The following NLRP14 variants were observed in gnomAD, a reference collection of about 807,000 sequenced individuals.
NLRP14 encodes the protein NACHT, LRR and PYD domains-containing protein 14.
NLRP14 carries 105 observed loss-of-function variants against 94.7 expected under a neutral mutation model. The ratio of observed to expected loss-of-function variants is 1.11; its 90% CI spans 0.95 to 1.30. The LOEUF is 1.30. NLRP14 is among the 50% of genes most tolerant of loss of function. The pLI, the probability that NLRP14 is intolerant of heterozygous loss-of-function variation, is 0.00. For synonymous variants in NLRP14, 508 were observed against 459.9 expected (o/e 1.10, Z -1.34); for missense variants, 1,362 against 1,254.1 (o/e 1.09, Z -1.30).
chr11:7,075,817 C>G (rs1852868558), downstream of NLRP14, among the ~76,000 whole-genome samples: 2 of 152,174 alleles, frequency 1.3e-5, no homozygotes, highest in Admixed American at 1.3e-4. Flanking sequence ...TGATGGCACC[C>G]AGAAGTTTGA....
intron 6 of NLRP14, among the ~76,000 whole-genome samples, chr11:7,050,810 GT>G (rs1852432251): frequency 6.6e-6 from 1 of 152,210 alleles, no homozygotes; most frequent in Non-Finnish European, 1.5e-5. Context: ...CCAGGTCAGA[GT>G]AAAGGTTTTA....
At chr11:7,067,208 A>G (rs1423936553) in intron 10 of NLRP14, among the ~76,000 whole-genome samples, 1 of 152,044 alleles carries the variant, frequency 6.6e-6, no homozygotes, top group Non-Finnish European at 1.5e-5. Flanking sequence ...TCCACATGAA[A>G]TTTAAAGTAG....
chr11:7,058,767 T>A (rs987706255), intron 8 of NLRP14, among the ~76,000 whole-genome samples: 2 of 151,846 alleles, frequency 1.3e-5, no homozygotes, highest in African/African-American at 4.8e-5. Context: ...CACAAGAAAA[T>A]GATGAATTTA....
chr11:7,056,578 A>G (rs536553127), intron 6 of NLRP14, among the ~76,000 whole-genome samples: 7 of 151,604 alleles, frequency 4.6e-5, no homozygotes, highest in African/African-American at 1.4e-4. Flanking sequence ...GAGAAAATGA[A>G]CTATCAAGCA....
intron 1 of NLRP14, among the ~76,000 whole-genome samples, chr11:7,028,060 C>T (rs1232884169): frequency 6.6e-6 from 1 of 152,070 alleles, no homozygotes; most frequent in Non-Finnish European, 1.5e-5. Context: ...TTCTCACTCC[C>T]GGAATGATCT....
intron 6 of NLRP14, among the ~76,000 whole-genome samples, chr11:7,056,253 G>A (rs1271163781): frequency 6.6e-6 from 1 of 151,742 alleles, no homozygotes; most frequent in East Asian, 1.9e-4. Flanking sequence ...CACAAAGCAA[G>A]ACAATTGATA....
chr11:7,078,061 A>G, the NLRP14 span, among the ~76,000 whole-genome samples: 2 of 152,316 alleles, frequency 1.3e-5, no homozygotes, highest in East Asian at 3.9e-4. Context: ...CTACTGGAAT[A>G]TACACCTAAA....
chr11:7,049,779 T>C lies in NLRP14; in HGVS notation c.2232T>C (p.Asn744=). Reference sequence around the variant, plus strand: ...TAAAAGGGAGTGATATAGGGGATAATGGAGTAAAGTCATTGTGTGAGGCCT... The same window carrying C: ...TAAAAGGGAGTGATATAGGGGATAACGGAGTAAAGTCATTGTGTGAGGCCT... ...LDLKGSDIGD[N]GVKSLCEALK... Residue 744 remains asparagine, a synonymous_variant, in exon 6 of 12, where the codon AAT becomes AAC. Coordinates refer to ENST00000299481, the MANE Select transcript of NLRP14 (RefSeq NM_176822.4). 1 of 1,611,232 alleles carries C rather than the reference T, an allele frequency of 6.2e-7. No individual in the cohort carries two copies. Among genetic ancestry groups the C allele is most frequent in the Non-Finnish European group, 8.5e-7 (1 of 1,177,400 alleles).
At chr11:7,053,760 G>T (rs1852477596) in intron 6 of NLRP14, among the ~76,000 whole-genome samples, 1 of 151,704 alleles carries the variant, frequency 6.6e-6, no homozygotes, top group Non-Finnish European at 1.5e-5. Context: ...AGGTAAATGG[G>T]GTATCTATCA....
intron 1 of NLRP14, among the ~76,000 whole-genome samples, chr11:7,032,408 C>G (rs950728380): frequency 7.9e-5 from 12 of 151,908 alleles, no homozygotes; most frequent in Non-Finnish European, 1.3e-4. Flanking sequence ...AAACAAACAC[C>G]CTTATGCACA....
intron 5 of NLRP14, among the ~76,000 whole-genome samples, chr11:7,047,304 C>T (rs1169050277): frequency 1.1e-5 from 1 of 91,574 alleles, no homozygotes; most frequent in Admixed American, 1.4e-4. Flanking sequence ...AGAAAGGTCC[C>T]TTGTACCCCT....
chr11:7,042,849 C>G lies in NLRP14; in HGVS notation c.823C>G (p.Leu275Val), dbSNP rs1852281786. The G allele has an allele frequency of 1.2e-6, 2 of 1,614,206 alleles. No individual in the cohort carries two copies. Among genetic ancestry groups the G allele is most frequent in the East Asian group, 2.2e-5 (1 of 44,886 alleles). Residue 275 changes from leucine (L) to valine (V), a missense_variant, in exon 4 of 12, where the codon CTG becomes GTG. Transcript: ENST00000299481. Reference sequence around the variant, plus strand: ...TGCCTTTGAAGAACCTGAGTTTGCACTGTGCGAAGACTGGACCCAAGAACA... The same window carrying G: ...TGCCTTTGAAGAACCTGAGTTTGCAGTGTGCGAAGACTGGACCCAAGAACA... ...NFAFEEPEFA[L>V]CEDWTQEHPV...
chr11:7,037,811 G>A (rs1852181869), intron 1 of NLRP14, among the ~76,000 whole-genome samples: 2 of 152,154 alleles, frequency 1.3e-5, no homozygotes, highest in South Asian at 4.1e-4. Flanking sequence ...CAAAGCCTGG[G>A]GTGAGAGCAT....
At chr11:7,040,447 A>G (rs542007050) in intron 3 of NLRP14, among the ~76,000 whole-genome samples, 8 of 152,130 alleles carry the variant, frequency 5.3e-5, no homozygotes, top group Non-Finnish European at 8.8e-5. Flanking sequence ...ATGTAATGCA[A>G]TTGAATCATC....
At chr11:7,046,210 G>A (rs553142293) in intron 4 of NLRP14, among the ~76,000 whole-genome samples, 1 of 152,254 alleles carries the variant, frequency 6.6e-6, no homozygotes, top group African/African-American at 2.4e-5. Flanking sequence ...TAGAACTTAT[G>A]CAACTCTCTT....
Position 7,062,452 on chromosome 11 carries a change from A to G in NLRP14, c.2924A>G (p.Lys975Arg). Residue 975 changes from lysine to arginine, a missense_variant, in exon 10 of 12, where the codon AAA becomes AGA. Physicochemically the swap from Lys to Arg is conservative, Grantham distance 26. Transcript: ENST00000299481. ...AACGATTTGCAGGATGATGGAGTGAAAATTCTGTGTGATGCTTTGAGATAT... is the reference window on the plus strand; with the variant it reads ...AACGATTTGCAGGATGATGGAGTGAGAATTCTGTGTGATGCTTTGAGATAT... Reference protein sequence around the residue: ...GNNDLQDDGVKILCDALRYPN... With the variant: ...GNNDLQDDGVRILCDALRYPN... The G allele has an allele frequency of 6.2e-7, 1 of 1,613,242 alleles. No homozygotes were observed.
At position 7,038,558 on chromosome 11, in the gene NLRP14, C is replaced by G. The variant is rs191143214; in HGVS notation, c.-21-8C>G. 1 of 1,609,244 alleles carries G rather than the reference C, an allele frequency of 6.2e-7. No individual in the cohort carries two copies. The highest frequency in any genetic ancestry group is 2.2e-5 in the East Asian group (1 of 44,868). On this transcript the variant is annotated splice_region_variant and splice_polypyrimidine_tract_variant and intron_variant, in intron 1 of 11. Coordinates refer to ENST00000299481, the MANE Select transcript of NLRP14 (RefSeq NM_176822.4). ...ATGTGCTTTTGGTTATTTTTTTTCC[C>G]CCCACAGAGGCCTGAATATTTGGAC...
At chr11:7,047,554 C>T (rs756507461) in intron 5 of NLRP14, among the ~76,000 whole-genome samples, 3 of 151,992 alleles carry the variant, frequency 2.0e-5, no homozygotes, top group Non-Finnish European at 4.4e-5. Flanking sequence ...GATCCTCCTG[C>T]CTCAGCCTCG....
chr11:7,061,819 T>C (rs939498011), intron 9 of NLRP14, among the ~76,000 whole-genome samples: 4 of 151,934 alleles, frequency 2.6e-5, no homozygotes, highest in Non-Finnish European at 4.4e-5. Flanking sequence ...AAAATGCATG[T>C]GTATGGTTAG....
Sources: gnomAD v4.1 joint callset for allele counts (sites outside exome capture counted in the v4.1 genomes callset) on GRCh38, gnomAD v4.1.1 for gene constraint, MANE v1.5 for transcripts, NCBI Gene and HGNC (gene_info 2026-07-23, HGNC 2026-07-21) for gene names.